Variants in CEP63 observed in about 807,000 individuals in gnomAD.
The protein encoded by CEP63 is centrosomal protein 63.
CEP63 carries 84 observed loss-of-function variants against 89.1 expected under a neutral mutation model. That is an observed-to-expected ratio of 0.94 (90% CI 0.79 to 1.13). The LOEUF is 1.13. CEP63 is among the 50% of genes most tolerant of loss of function. The pLI, the probability that CEP63 is intolerant of heterozygous loss-of-function variation, is 0.00. For synonymous variants in CEP63, 267 were observed against 272.5 expected (o/e 0.98, Z 0.20); for missense variants, 838 against 813.3 (o/e 1.03, Z -0.37).
rs778013678 is a variant in CEP63 at position 134,561,401 on chromosome 3, G to C, written c.1978G>C (p.Gly660Arg). 6.2e-7 allele frequency: 1 copy of C among 1,613,846 alleles called. No individual in the cohort carries two copies. The highest frequency in any genetic ancestry group is 1.7e-5 in the Admixed American group (1 of 60,000). ...SSCSLPVSPLGSIATRFLEEE... is the reference protein window; with the variant it reads ...SSCSLPVSPLRSIATRFLEEE... ...GTGTTCCTTGCCTGTATCTCCCCTT[G>C]GTTCAATAGCTACCAGATTTTTGGA... Residue 660 changes from glycine (G) to arginine (R), a missense_variant, in exon 15 of 15, where the codon GGT becomes CGT. Gly to Arg is a moderately radical substitution (Grantham distance 125). Transcript: ENST00000675561.
chr3:134,528,970 T>A (rs1265736314), intron 3 of CEP63, among the ~76,000 whole-genome samples: 3 of 152,206 alleles, frequency 2.0e-5, no homozygotes, highest in African/African-American at 4.8e-5. Context: ...TTTAAAATGT[T>A]CTTTTCTTGC....
Position 134,531,367 on chromosome 3 carries a change from G to A in CEP63, c.223-478G>A, listed in dbSNP as rs560015594. On this transcript the variant is annotated intron_variant, in intron 3 of 14. Coordinates refer to ENST00000675561, the MANE Select transcript of CEP63 (RefSeq NM_001353108.3). ...TGGGAGGCTGAGACAGGTGGATCAC[G>A]AGGTCAGGAGTTCAAGACCAGCCTG... 4.7e-3 allele frequency among the ~76,000 whole-genome samples: 715 copies of A among 152,130 alleles called. 7 individuals carry two copies. The highest frequency in any genetic ancestry group is 7.4e-3 in the Non-Finnish European group (505 of 67,998).
At chr3:134,693,320 T>G in the CEP63 span, among the ~76,000 whole-genome samples, 1 of 152,066 alleles carries the variant, frequency 6.6e-6, no homozygotes, top group Non-Finnish European at 1.5e-5. Context: ...CTTGCAGACA[T>G]GAGGACAAGA....
At chr3:134,740,803 C>A in the CEP63 span, among the ~76,000 whole-genome samples, 13 of 152,312 alleles carry the variant, frequency 8.5e-5, no homozygotes, top group Non-Finnish European at 4.4e-5. Context: ...TCTCCTAAAG[C>A]AACGAGGGCC....
chr3:134,684,189 G>A, the CEP63 span, among the ~76,000 whole-genome samples: 1 of 152,160 alleles, frequency 6.6e-6, no homozygotes, highest in Non-Finnish European at 1.5e-5. Flanking sequence ...ACATCTTTTG[G>A]GTTGAGGATA....
chr3:134,659,219 G>T, the CEP63 span, among the ~76,000 whole-genome samples: 1 of 152,172 alleles, frequency 6.6e-6, no homozygotes, highest in East Asian at 1.9e-4. Flanking sequence ...ACATGAGAGC[G>T]CATGGAGAGA....
the CEP63 span, among the ~76,000 whole-genome samples, chr3:134,779,520 T>G: frequency 5.3e-5 from 8 of 152,174 alleles, no homozygotes; most frequent in African/African-American, 1.9e-4. Context: ...TAGTGGAGAG[T>G]GACAAAATGA....
At chr3:134,692,692 A>G in the CEP63 span, among the ~76,000 whole-genome samples, 1 of 152,196 alleles carries the variant, frequency 6.6e-6, no homozygotes, top group African/African-American at 2.4e-5. Context: ...CTTGAGAAGC[A>G]CCAGTTCAAG....
At chr3:134,745,842 C>G in the CEP63 span, among the ~76,000 whole-genome samples, 1 of 151,662 alleles carries the variant, frequency 6.6e-6, no homozygotes, top group African/African-American at 2.4e-5. Context: ...TCACCCATGT[C>G]CCTGAAAAGG....
the CEP63 span, among the ~76,000 whole-genome samples, chr3:134,605,601 C>T: frequency 1.3e-5 from 2 of 152,134 alleles, no homozygotes; most frequent in Non-Finnish European, 2.9e-5. Context: ...GTGGCTGTCC[C>T]AGCTCAAAAG....
intron 6 of CEP63, among the ~76,000 whole-genome samples, chr3:134,538,567 T>TA (rs1161873212): frequency 1.0e-5 from 1 of 96,176 alleles, no homozygotes; most frequent in Non-Finnish European, 2.5e-5. Flanking sequence ...ATATATATAT[T>TA]TTTTTAACAA....
chr3:134,718,829 A>G, the CEP63 span, among the ~76,000 whole-genome samples: 1 of 152,206 alleles, frequency 6.6e-6, no homozygotes, highest in Non-Finnish European at 1.5e-5. Context: ...ACAAGGCTAC[A>G]CTTTCCTCGC....
At chr3:134,743,254 T>G in the CEP63 span, among the ~76,000 whole-genome samples, 4 of 152,132 alleles carry the variant, frequency 2.6e-5, no homozygotes, top group African/African-American at 9.7e-5. Context: ...GTTGGGTGAG[T>G]ATTCTGTCTC....
the CEP63 span, among the ~76,000 whole-genome samples, chr3:134,775,780 C>A: frequency 5.3e-5 from 8 of 152,088 alleles, no homozygotes; most frequent in Admixed American, 4.6e-4. Flanking sequence ...TATTTTGGAC[C>A]ATTAGGGGAG....
intron 6 of CEP63, 111 bp downstream of exon 6, chr3:134,537,379 G>A (rs1950974600): frequency 5.5e-6 from 4 of 726,840 alleles, no homozygotes; most frequent in Non-Finnish European, 1.0e-5. Context: ...TTCTCTCCAC[G>A]AACCCTGCTC....
rs1956912944 is a variant in CEP63, at chr3:134,559,325, C to T, written c.1849C>T (p.Leu617=). The part of the protein sequence containing the change: ...SSTRSLTSYS[L]CKTHSLPSAL... ...CACCAGGTCTTTGACTTCCTACTCT[C>T]TATGTAAAACTCATTCTTTGCCTTC... Residue 617 remains leucine (L), a synonymous_variant, in exon 14 of 15, where the codon CTA becomes TTA. Transcript: ENST00000675561. The T allele has an allele frequency of 3.1e-6, 5 of 1,613,980 alleles. No individual in the cohort carries two copies. The highest frequency in any genetic ancestry group is 1.3e-5 in the African/African-American group (1 of 74,910).
the CEP63 span, among the ~76,000 whole-genome samples, chr3:134,772,837 T>C: frequency 6.6e-6 from 1 of 152,114 alleles, no homozygotes; most frequent in Admixed American, 6.5e-5. Flanking sequence ...TGAAGGCGGG[T>C]TCCCAGGAGC....
the CEP63 span, among the ~76,000 whole-genome samples, chr3:134,777,019 G>A: frequency 1.3e-5 from 2 of 152,068 alleles, no homozygotes; most frequent in Non-Finnish European, 2.9e-5. Flanking sequence ...TTAAACATTA[G>A]GAAAGCCAAC....
chr3:134,684,838 A>G, the CEP63 span, among the ~76,000 whole-genome samples: 1 of 152,190 alleles, frequency 6.6e-6, no homozygotes, highest in South Asian at 2.1e-4. Context: ...TTTAGGCCTC[A>G]TATCCCTCTC....
Sources: gnomAD v4.1 joint callset for allele counts (sites outside exome capture counted in the v4.1 genomes callset) on GRCh38, gnomAD v4.1.1 for gene constraint, MANE v1.5 for transcripts, NCBI Gene and HGNC (gene_info 2026-07-23, HGNC 2026-07-21) for gene names.